Variants in IGF2BP3 observed in about 807,000 individuals in gnomAD.
The protein encoded by IGF2BP3 is insulin-like growth factor 2 mRNA-binding protein 3.
A neutral mutation model predicts 73.8 loss-of-function variants in IGF2BP3; 9 were observed. The observed-to-expected ratio is 0.12, with a 90% CI of 0.07 to 0.21. The LOEUF is 0.21. Ranked by LOEUF, IGF2BP3 falls within the 10% of genes least tolerant of loss-of-function variation. The probability of loss-of-function intolerance (pLI) is 1.00; values close to 1 mark genes in which losing one functional copy is unlikely to be tolerated. For missense variants in IGF2BP3, 542 were observed against 714.0 expected (o/e 0.76, Z 2.75); for synonymous variants, 258 against 256.7 (o/e 1.01, Z -0.05).
chr7:23,459,420 G>C (rs1286320484), intron 2 of IGF2BP3, among the ~76,000 whole-genome samples: 1 of 152,168 alleles, frequency 6.6e-6, no homozygotes, highest in Non-Finnish European at 1.5e-5. Flanking sequence ...ATTTATGCCA[G>C]TGCCCTAAAA....
At chr7:23,382,107 G>A (rs1441847335) in intron 3 of IGF2BP3, among the ~76,000 whole-genome samples, 2 of 152,086 alleles carry the variant, frequency 1.3e-5, no homozygotes, top group African/African-American at 4.8e-5. Context: ...TTAGCCAGGT[G>A]TGGTGACACA....
chr7:23,364,004 C>T (rs377713226), intron 3 of IGF2BP3, among the ~76,000 whole-genome samples: 16 of 152,366 alleles, frequency 1.1e-4, no homozygotes, highest in East Asian at 5.8e-4. Flanking sequence ...TTTGGGAAGC[C>T]ATGGCGGGTG....
chr7:23,439,657 C>G (rs1474173454), intron 2 of IGF2BP3, among the ~76,000 whole-genome samples: 1 of 151,792 alleles, frequency 6.6e-6, no homozygotes, highest in African/African-American at 2.4e-5. Context: ...ACAACACACA[C>G]TACCCCTATG....
chr7:23,372,302 T>C (rs1330167592), intron 3 of IGF2BP3, among the ~76,000 whole-genome samples: 1 of 152,132 alleles, frequency 6.6e-6, no homozygotes, highest in Non-Finnish European at 1.5e-5. Context: ...CTCAAACTCC[T>C]GACCTCGTGA....
At chr7:23,391,515 G>C (rs1424135630) in intron 3 of IGF2BP3, among the ~76,000 whole-genome samples, 1 of 152,130 alleles carries the variant, frequency 6.6e-6, no homozygotes, top group Non-Finnish European at 1.5e-5. Flanking sequence ...AATGGGTTTA[G>C]ACACTCAGAC....
At chr7:23,443,966 G>A (rs1380389369) in intron 2 of IGF2BP3, among the ~76,000 whole-genome samples, 2 of 152,120 alleles carry the variant, frequency 1.3e-5, no homozygotes, top group Admixed American at 6.5e-5. Context: ...CTGAGATCGC[G>A]CCACTGCACT....
At chr7:23,355,824 T>C (rs1483599672) in intron 5 of IGF2BP3, among the ~76,000 whole-genome samples, 1 of 151,936 alleles carries the variant, frequency 6.6e-6, no homozygotes, top group African/African-American at 2.4e-5. Flanking sequence ...TTCCAGCTAC[T>C]TGGAAGGCTG....
chr7:23,366,557 G>GAA (rs375905542), intron 3 of IGF2BP3, among the ~76,000 whole-genome samples: 5 of 82,624 alleles, frequency 6.1e-5, no homozygotes, highest in Non-Finnish European at 1.3e-4. Context: ...AAGTAAAAAA[G>GAA]AAAAAAAAAA....
chr7:23,342,075 G>A lies in IGF2BP3; in HGVS notation c.1192C>T (p.Pro398Ser), dbSNP rs550216915. Residue 398 changes from proline (P) to serine (S), a missense_variant, in exon 10 of 15, where the codon CCG (proline) becomes TCG (serine). By Grantham distance (74) the Pro-to-Ser change is moderately conservative. This residue lies in a region of IGF2BP3 where 303 missense variants were observed against 472.1 expected (regional missense o/e 0.64). Transcript: ENST00000258729. ...GCCAGTTATCTTACCTCAAACTGCG[G>A]GTAGGGAGGAGTCATGGCTGAAGGG... The part of the protein sequence containing the change: ...GPPSAMTPPY[P>S]QFEQSETETV... 2.7e-5 allele frequency: 43 copies of A among 1,581,752 alleles called. 1 individual carries two copies. The South Asian group carries it at 4.5e-4, about 17-fold the overall frequency.
chr7:23,421,687 T>C (rs564823096), intron 2 of IGF2BP3, among the ~76,000 whole-genome samples: 1 of 134,998 alleles, frequency 7.4e-6, no homozygotes, highest in Non-Finnish European at 1.6e-5. Flanking sequence ...CGAGACTCCA[T>C]CTCAAAAAAA....
chr7:23,403,782 T>C (rs1050663436), intron 3 of IGF2BP3, among the ~76,000 whole-genome samples: 2 of 152,104 alleles, frequency 1.3e-5, no homozygotes, highest in Non-Finnish European at 2.9e-5. Flanking sequence ...AATTCCCTTC[T>C]ATATCTAGGG....
At chr7:23,440,680 C>T (rs998305061) in intron 2 of IGF2BP3, among the ~76,000 whole-genome samples, 9 of 152,148 alleles carry the variant, frequency 5.9e-5, no homozygotes, top group African/African-American at 1.7e-4. Context: ...ATTGGGGGAG[C>T]GGCACACCAG....
At chr7:23,460,477 G>C (rs578011920) in intron 2 of IGF2BP3, among the ~76,000 whole-genome samples, 1 of 149,986 alleles carries the variant, frequency 6.7e-6, no homozygotes, top group Non-Finnish European at 1.5e-5. Flanking sequence ...GGTTGCAAGT[G>C]AGCCAAGATC....
Position 23,398,562 on chromosome 7 carries a change from T to G in IGF2BP3, c.285+20214A>C, listed in dbSNP as rs565513817. ...ACAGTGTTCCTATTTCTCCACATCC[T>G]CTCCAGGACCTGTTGCTTCCTGACT... On this transcript the variant is annotated intron_variant, in intron 3 of 14. Coordinates refer to ENST00000258729, the MANE Select transcript of IGF2BP3 (RefSeq NM_006547.3). Among the ~76,000 whole-genome samples the G allele has an allele frequency of 3.9e-5, 6 of 152,328 alleles. No individual in the cohort carries two copies. The East Asian group carries it at 1.2e-3, about 29-fold the overall frequency.
At chr7:23,389,117 T>C (rs1261652270) in intron 3 of IGF2BP3, among the ~76,000 whole-genome samples, 1 of 152,024 alleles carries the variant, frequency 6.6e-6, no homozygotes, top group African/African-American at 2.4e-5. Flanking sequence ...AATTCAACGA[T>C]TTAAGTTGTT....
chr7:23,318,863 G>A (rs564027418), intron 11 of IGF2BP3, among the ~76,000 whole-genome samples: 16 of 152,290 alleles, frequency 1.1e-4, no homozygotes, highest in South Asian at 2.1e-4. Context: ...GACCAAGGCC[G>A]TACCTGGGGA....
chr7:23,410,668 T>G (rs1786990334), intron 3 of IGF2BP3, among the ~76,000 whole-genome samples: 1 of 152,082 alleles, frequency 6.6e-6, no homozygotes, highest in Non-Finnish European at 1.5e-5. Context: ...ACTAATAACT[T>G]CCCCAATGAA....
At chr7:23,361,404 AG>A in intron 5 of IGF2BP3, 129 bp downstream of exon 5, 1 of 663,596 alleles carries the variant, frequency 1.5e-6, no homozygotes. Flanking sequence ...GCACGATTAC[AG>A]GGTCAAATTT....
chr7:23,341,688 C>T (rs1215407464), intron 10 of IGF2BP3, among the ~76,000 whole-genome samples: 3 of 151,688 alleles, frequency 2.0e-5, no homozygotes, highest in African/African-American at 7.3e-5. Flanking sequence ...TTTAAATAAC[C>T]ACCATGGCAC....
Sources: gnomAD v4.1 joint callset for allele counts (sites outside exome capture counted in the v4.1 genomes callset) on GRCh38, gnomAD v4.1.1 for gene constraint, gnomAD v4.1.1 regional missense constraint, MANE v1.5 for transcripts, NCBI Gene and HGNC (gene_info 2026-07-23, HGNC 2026-07-21) for gene names.